Variants in SYTL5 observed in about 807,000 individuals in gnomAD.
SYTL5 encodes synaptotagmin like 5, also known as synaptotagmin-like protein 5.
SYTL5 carries 34 observed loss-of-function variants against 55.9 expected under a neutral mutation model. The observed-to-expected ratio is 0.61, with a 90% confidence interval of 0.46 to 0.81. SYTL5 has a LOEUF of 0.81. SYTL5 is among the 30% of genes least tolerant of loss of function. The pLI is 0.00. For synonymous variants in SYTL5, 221 were observed against 188.7 expected (o/e 1.17, Z -1.40); for missense variants, 637 against 546.7 (o/e 1.17, Z -1.65).
At chrX:37,991,871 C>A in the SYTL5 span, among the ~76,000 whole-genome samples, 1 of 111,765 alleles carries the variant, frequency 8.9e-6, no homozygotes, top group East Asian at 2.8e-4. Flanking sequence ...ATTATGAAAG[C>A]GGATTTGAGA....
chrX:38,106,962 A>G (rs1485153772), intron 11 of SYTL5, among the ~76,000 whole-genome samples, 191 bp downstream of exon 11: 3 of 112,661 alleles, frequency 2.7e-5, no homozygotes, highest in Admixed American at 9.4e-5. Flanking sequence ...GTCTTTGATT[A>G]ACTGATTTTT....
At chrX:37,990,235 C>G in the SYTL5 span, among the ~76,000 whole-genome samples, 3 of 110,785 alleles carry the variant, frequency 2.7e-5, no homozygotes, top group Non-Finnish European at 3.8e-5. Flanking sequence ...AAAATCATGA[C>G]ACTCATACAG....
intron 1 of SYTL5, among the ~76,000 whole-genome samples, chrX:38,009,305 C>T (rs1280028742): frequency 1.8e-5 from 2 of 112,281 alleles, no homozygotes; most frequent in Non-Finnish European, 1.9e-5. Context: ...TCCATTTCCA[C>T]ATCTTATCTT....
At chrX:38,104,301 G>A (rs1265104071) in intron 10 of SYTL5, among the ~76,000 whole-genome samples, 1 of 111,687 alleles carries the variant, frequency 9.0e-6, no homozygotes, top group Non-Finnish European at 1.9e-5. Flanking sequence ...GTGCTCTGTG[G>A]TACCTCGATA....
At chrX:38,113,303 G>GAAAATCAACAGC (rs1189246092) in intron 13 of SYTL5, among the ~76,000 whole-genome samples, 1 of 112,352 alleles carries the variant, frequency 8.9e-6, no homozygotes, top group African/African-American at 3.2e-5. Flanking sequence ...AAGGACATCT[G>GAAAATCAACAGC]AAAATCAACA....
chrX:38,106,785 A>G lies in SYTL5; in HGVS notation c.1334+14A>G. 8.6e-7 allele frequency: 1 copy of G among 1,166,051 alleles called. No homozygotes were observed. The highest frequency in any genetic ancestry group is 3.1e-5 in the East Asian group (1 of 32,513). ...GAGGACAGATGCGTAAGCACATAGC[A>G]TGTTCCTCAGACTATTTCAGTCACT... On this transcript the variant is annotated intron_variant, in intron 11 of 16. Coordinates refer to ENST00000297875, the MANE Select transcript of SYTL5 (RefSeq NM_138780.3).
chrX:37,904,106 A>G, the SYTL5 span, among the ~76,000 whole-genome samples: 51 of 110,750 alleles, frequency 4.6e-4, no homozygotes, highest in Non-Finnish European at 8.3e-4. Flanking sequence ...TGGCTCTGGT[A>G]ATATATGGCT....
chrX:38,111,008 G>T (rs932346969), intron 13 of SYTL5, among the ~76,000 whole-genome samples: 4 of 111,875 alleles, frequency 3.6e-5, no homozygotes, highest in African/African-American at 1.3e-4. Context: ...AAATCTTAGA[G>T]CTGATAATTA....
At chrX:37,996,031 G>A in the SYTL5 span, among the ~76,000 whole-genome samples, 81 of 111,582 alleles carry the variant, frequency 7.3e-4, no homozygotes, top group African/African-American at 2.4e-3. Context: ...GTAAGGACCC[G>A]GGCTTCTGGG....
At chrX:37,973,210 A>G in the SYTL5 span, among the ~76,000 whole-genome samples, 22 of 111,440 alleles carry the variant, frequency 2.0e-4, no homozygotes, top group African/African-American at 7.2e-4. Flanking sequence ...AGTAAGTCAC[A>G]ATACATAGGG....
At chrX:38,096,010 T>C (rs748669498) in intron 8 of SYTL5, 124 bp from the exon 9 acceptor site, 2 of 374,921 alleles carry the variant, frequency 5.3e-6, no homozygotes, top group Non-Finnish European at 9.2e-6. Flanking sequence ...GTTGCTTTCA[T>C]GGCACTATTT....
the SYTL5 span, among the ~76,000 whole-genome samples, chrX:37,915,130 C>T: frequency 1.8e-5 from 2 of 111,658 alleles, no homozygotes; most frequent in Non-Finnish European, 3.8e-5. Context: ...ACAGGGGCTA[C>T]GTTCCTCCTT....
At chrX:38,058,710 C>T (rs753478040) in intron 3 of SYTL5, among the ~76,000 whole-genome samples, 4 of 110,978 alleles carry the variant, frequency 3.6e-5, no homozygotes, top group East Asian at 2.8e-4. Flanking sequence ...ATTTTTAAAA[C>T]GTTTTTAATA....
the SYTL5 span, among the ~76,000 whole-genome samples, chrX:37,918,871 G>A: frequency 1.9e-4 from 21 of 110,766 alleles, no homozygotes; most frequent in African/African-American, 5.3e-4. Context: ...CAGTCATCCC[G>A]TGGATGCATC....
the SYTL5 span, among the ~76,000 whole-genome samples, chrX:37,911,030 A>G: frequency 2.1e-5 from 2 of 97,547 alleles, no homozygotes; most frequent in East Asian, 6.1e-4. Context: ...CAGCGGCGCC[A>G]TCTCAGCTCA....
At chrX:37,946,415 G>A in the SYTL5 span, 290 of 207,575 alleles carry the variant, frequency 1.4e-3, 1 homozygote, top group African/African-American at 7.7e-3. Context: ...TTCATCATGA[G>A]TTTCAAGCTC....
chrX:37,891,187 T>C, the SYTL5 span, among the ~76,000 whole-genome samples: 143 of 111,939 alleles, frequency 1.3e-3, no homozygotes, highest in African/African-American at 4.5e-3. Flanking sequence ...TGAATGTTCA[T>C]AGGAGCATTA....
At chrX:38,023,053 G>A (rs749631641) in intron 1 of SYTL5, among the ~76,000 whole-genome samples, 9 of 112,151 alleles carry the variant, frequency 8.0e-5, no homozygotes, top group Non-Finnish European at 1.7e-4. Context: ...GCAAAGGGAA[G>A]ACATCAAAGG....
At chrX:38,064,012 A>G (rs1215229792) in intron 3 of SYTL5, among the ~76,000 whole-genome samples, 1 of 110,830 alleles carries the variant, frequency 9.0e-6, no homozygotes, top group Non-Finnish European at 1.9e-5. Context: ...GTGGGTAGTA[A>G]CTAACATTAA....
Sources: gnomAD v4.1 joint callset for allele counts (sites outside exome capture counted in the v4.1 genomes callset) on GRCh38, gnomAD v4.1.1 for gene constraint, MANE v1.5 for transcripts, NCBI Gene and HGNC (gene_info 2026-07-23, HGNC 2026-07-21) for gene names.